The following SREBF2 variants were observed in gnomAD, a reference collection of about 807,000 sequenced individuals.
SREBF2 encodes the protein sterol regulatory element binding transcription factor 2.
A neutral mutation model predicts 113.1 loss-of-function variants in SREBF2; 55 were observed. The observed-to-expected ratio is 0.49, with a 90% CI of 0.39 to 0.61. The LOEUF (loss-of-function observed/expected upper bound fraction) is 0.61, where lower values mean the gene tolerates loss of function less well. Among genes scored for constraint, SREBF2 ranks in the 20% least tolerant of loss-of-function variants. The pLI is 0.00. For synonymous variants in SREBF2, 593 were observed against 605.7 expected (o/e 0.98, Z 0.31); for missense variants, 1,349 against 1,487.4 (o/e 0.91, Z 1.53).
At chr22:41,864,253 TATATATATAC>T (rs1338271698) in intron 1 of SREBF2, among the ~76,000 whole-genome samples, 1,145 of 81,822 alleles carry the variant, frequency 0.014, 10 homozygotes, top group South Asian at 0.026. Flanking sequence ...TATATATATA[TATATATATAC>T]ACACACACAC....
intron 1 of SREBF2, among the ~76,000 whole-genome samples, chr22:41,858,477 G>C (rs1300775645): frequency 6.6e-6 from 1 of 152,046 alleles, no homozygotes; most frequent in Non-Finnish European, 1.5e-5. Flanking sequence ...CACGGAGTGG[G>C]CATGTTGGCT....
chr22:41,904,855 C>T lies in SREBF2; in HGVS notation c.3094-8C>T, dbSNP rs1241670237. On this transcript the variant is annotated splice_polypyrimidine_tract_variant and splice_region_variant and intron_variant, in intron 17 of 18. Coordinates refer to ENST00000361204, the MANE Select transcript of SREBF2 (RefSeq NM_004599.4). Reference sequence around the variant, plus strand: ...GGTGTGATGGATGTCACCCCGGCACCTCCCCAGGTGTTCCTGCATGAAGCC... The same window carrying T: ...GGTGTGATGGATGTCACCCCGGCACTTCCCCAGGTGTTCCTGCATGAAGCC... 1 of 1,579,944 alleles carries T rather than the reference C, an allele frequency of 6.3e-7. No individual in the cohort carries two copies. Among genetic ancestry groups the T allele is most frequent in the Admixed American group, 1.8e-5 (1 of 55,814 alleles).
intron 1 of SREBF2, among the ~76,000 whole-genome samples, chr22:41,859,095 C>T (rs1273514586): frequency 6.6e-6 from 1 of 150,660 alleles, no homozygotes; most frequent in African/African-American, 2.4e-5. Flanking sequence ...TGCACTCCAG[C>T]CTGGGCGACA....
chr22:41,881,217 C>G (rs2077242821), intron 10 of SREBF2, among the ~76,000 whole-genome samples: 1 of 152,242 alleles, frequency 6.6e-6, no homozygotes, highest in Non-Finnish European at 1.5e-5. Context: ...CATCACTATA[C>G]TCAGGATGTG....
At chr22:41,898,501 C>A in intron 14 of SREBF2, 148 bp from the exon 15 acceptor site, 1 of 978,556 alleles carries the variant, frequency 1.0e-6, no homozygotes, top group East Asian at 2.6e-5. Context: ...CCCCCAGAAT[C>A]CTGGGTGTGG....
At chr22:41,858,167 C>T (rs1021253804) in intron 1 of SREBF2, among the ~76,000 whole-genome samples, 1 of 152,128 alleles carries the variant, frequency 6.6e-6, no homozygotes, top group Non-Finnish European at 1.5e-5. Flanking sequence ...CATTTACCTC[C>T]CTCACTGGTG....
intron 1 of SREBF2, among the ~76,000 whole-genome samples, chr22:41,850,512 C>T (rs1474273730): frequency 6.6e-6 from 1 of 151,898 alleles, no homozygotes; most frequent in Non-Finnish European, 1.5e-5. Flanking sequence ...CCCAAATCTC[C>T]TTTGTTGTCA....
intron 1 of SREBF2, among the ~76,000 whole-genome samples, chr22:41,852,928 T>C (rs945719175): frequency 2.0e-5 from 3 of 152,028 alleles, no homozygotes; most frequent in Admixed American, 6.6e-5. Flanking sequence ...TTTTTTATTT[T>C]TAGTAGAGAC....
intron 4 of SREBF2, among the ~76,000 whole-genome samples, chr22:41,872,393 G>C (rs1383151310): frequency 6.6e-6 from 1 of 152,038 alleles, no homozygotes; most frequent in Non-Finnish European, 1.5e-5. Flanking sequence ...GGGCATGCGG[G>C]GACTTTCTGA....
intron 10 of SREBF2, among the ~76,000 whole-genome samples, chr22:41,884,150 T>C (rs1227370834): frequency 6.6e-6 from 1 of 152,190 alleles, no homozygotes; most frequent in Non-Finnish European, 1.5e-5. Flanking sequence ...TTTGGCTTTT[T>C]TGGGGGACAG....
intron 4 of SREBF2, among the ~76,000 whole-genome samples, chr22:41,871,765 G>A (rs1490762040): frequency 6.6e-6 from 1 of 151,820 alleles, no homozygotes; most frequent in Non-Finnish European, 1.5e-5. Context: ...GGTGGTGCAT[G>A]GTGCATGCCT....
At chr22:41,893,007 C>A in intron 11 of SREBF2, 110 bp from the exon 12 acceptor site, 4 of 1,343,182 alleles carry the variant, frequency 3.0e-6, no homozygotes, top group Non-Finnish European at 4.2e-6. Flanking sequence ...GCTGATCTTT[C>A]CCAGTCTCCC....
At chr22:41,858,829 G>A (rs1486985941) in intron 1 of SREBF2, among the ~76,000 whole-genome samples, 2 of 152,074 alleles carry the variant, frequency 1.3e-5, no homozygotes, top group African/African-American at 2.4e-5. Flanking sequence ...CCAAAAAAAG[G>A]AAAAGATTTA....
rs1213066397 is a variant in SREBF2 at position 41,904,907 on chromosome 22, C to T, written c.3138C>T (p.Ser1046=). ...CCGTGCGCCTGATGGCAGGAGCCAG[C>T]CCCACCCGCACCCACCAGCTGCTGG... The part of the protein sequence containing the change: ...EATVRLMAGA[S]PTRTHQLLEH... The change falls in exon 18 of 19, where the codon AGC becomes AGT. Residue 1046 remains serine, a synonymous_variant. Coordinates refer to ENST00000361204, the MANE Select transcript of SREBF2 (RefSeq NM_004599.4). 20 of 1,605,522 alleles carry T rather than the reference C, an allele frequency of 1.2e-5. No individual in the cohort carries two copies. In the South Asian group the frequency reaches 1.8e-4, roughly 14 times the overall value.
intron 14 of SREBF2, among the ~76,000 whole-genome samples, chr22:41,898,366 C>T (rs1041955944): frequency 1.3e-5 from 2 of 152,216 alleles, no homozygotes; most frequent in African/African-American, 2.4e-5. Context: ...GATCCACCTG[C>T]CTCAGCCTCC....
intron 4 of SREBF2, 50 bp downstream of exon 4, chr22:41,871,085 A>G: frequency 6.2e-7 from 1 of 1,608,002 alleles, no homozygotes; most frequent in Non-Finnish European, 8.5e-7. Flanking sequence ...TTATTCCTGG[A>G]GGTGTTAGTC....
intron 1 of SREBF2, among the ~76,000 whole-genome samples, chr22:41,846,206 A>G (rs1193623195): frequency 6.6e-6 from 1 of 152,244 alleles, no homozygotes; most frequent in African/African-American, 2.4e-5. Context: ...AACCGCTTCT[A>G]TCTAGCTTGA....
chr22:41,880,468 G>A (rs950370003), intron 9 of SREBF2, among the ~76,000 whole-genome samples: 12 of 151,480 alleles, frequency 7.9e-5, no homozygotes, highest in African/African-American at 2.7e-4. Context: ...ACAAACGCAC[G>A]CAGTACAATC....
intron 4 of SREBF2, among the ~76,000 whole-genome samples, chr22:41,871,432 A>C (rs2077140166): frequency 6.6e-6 from 1 of 152,210 alleles, no homozygotes; most frequent in Admixed American, 6.5e-5. Flanking sequence ...AGCCACTTTC[A>C]GCATCCTATA....
Sources: allele counts gnomAD v4.1 joint callset (sites outside exome capture counted in the v4.1 genomes callset), GRCh38; gene constraint gnomAD v4.1.1; transcripts MANE v1.5; gene names NCBI Gene and HGNC (gene_info 2026-07-23, HGNC 2026-07-21).